Variants in PPIL2 observed in about 807,000 individuals in gnomAD.
PPIL2 encodes RING-type E3 ubiquitin-protein ligase PPIL2.
Under a neutral mutation model 75.2 loss-of-function variants are expected in PPIL2, and 50 were observed. That is an observed-to-expected ratio of 0.66 (90% CI 0.53 to 0.84). The LOEUF (loss-of-function observed/expected upper bound fraction) is 0.84. Among genes scored for constraint, PPIL2 ranks in the 40% least tolerant of loss-of-function variants. The pLI, the probability that PPIL2 is intolerant of heterozygous loss-of-function variation, is 0.00. For missense variants in PPIL2, 590 were observed against 685.0 expected (o/e 0.86, Z 1.55); for synonymous variants, 245 against 258.8 (o/e 0.95, Z 0.51).
At chr22:21,695,178 G>A (rs1416491401) in intron 19 of PPIL2, 108 bp downstream of exon 19, 7 of 1,434,806 alleles carry the variant, frequency 4.9e-6, no homozygotes, top group East Asian at 2.5e-5. Flanking sequence ...CACTGGTCCC[G>A]GCCGTGGGCT....
At chr22:21,674,857 G>T (rs989097111) in intron 5 of PPIL2, among the ~76,000 whole-genome samples, 4 of 152,228 alleles carry the variant, frequency 2.6e-5, no homozygotes, top group Non-Finnish European at 5.9e-5. Context: ...TTCTCAGAGC[G>T]TGGTGGGGGT....
intron 19 of PPIL2, 116 bp downstream of exon 19, chr22:21,695,186 G>A (rs1485754628): frequency 4.2e-6 from 6 of 1,426,438 alleles, no homozygotes; most frequent in Non-Finnish European, 5.5e-6. Flanking sequence ...CCGGCCGTGG[G>A]CTTGTGCTGT....
chr22:21,696,269 T>C lies in PPIL2; in HGVS notation c.*779T>C. 9.7e-7 allele frequency: 1 copy of C among 1,030,184 alleles called. No homozygotes were observed. Among genetic ancestry groups the C allele is most frequent in the Non-Finnish European group, 1.2e-6 (1 of 856,662 alleles). 63.8% of individuals were successfully genotyped at this position (1,030,184 alleles called of 1,614,324 possible). A position where few individuals can be genotyped will look rare whatever the true frequency, so the allele number is the denominator to read the frequency against. On this transcript the variant is annotated 3_prime_UTR_variant, in exon 20 of 20. Coordinates refer to ENST00000398831, the MANE Select transcript of PPIL2 (RefSeq NM_014337.4). The stretch of plus-strand genomic sequence containing the variant: ...TGCTCTGGCTGTGAACCACCTGGGC[T>C]TCATCTCAAGCCTGCCTGGCGTCTC...
intron 5 of PPIL2, among the ~76,000 whole-genome samples, chr22:21,674,026 G>A (rs2066735684): frequency 6.6e-6 from 1 of 152,230 alleles, no homozygotes; most frequent in African/African-American, 2.4e-5. Flanking sequence ...GCCAGCAGCA[G>A]GCAGGGCCCA....
chr22:21,685,509 T>G (rs2067318695), intron 10 of PPIL2: 3 of 364,750 alleles, frequency 8.2e-6, no homozygotes. Context: ...TCTGAAGTTC[T>G]CCTTCTTAAA....
At chr22:21,674,475 A>T (rs1192395621) in intron 5 of PPIL2, among the ~76,000 whole-genome samples, 3 of 152,124 alleles carry the variant, frequency 2.0e-5, no homozygotes, top group African/African-American at 7.2e-5. Context: ...CCCACTTTTA[A>T]TGTTTTGTTT....
At chr22:21,687,942 G>A (rs565859297) in intron 13 of PPIL2, 131 bp from the exon 14 acceptor site, 2 of 1,251,728 alleles carry the variant, frequency 1.6e-6, no homozygotes, top group East Asian at 2.3e-5. Flanking sequence ...GTGGCTGGGA[G>A]GGCCCCTCAT....
At chr22:21,689,203 A>T (rs2067513983) in intron 15 of PPIL2, among the ~76,000 whole-genome samples, 1 of 152,066 alleles carries the variant, frequency 6.6e-6, no homozygotes, top group Non-Finnish European at 1.5e-5. Flanking sequence ...CTGCACAGGG[A>T]GAGGCGCCTG....
chr22:21,688,371 G>A (rs1338284307), intron 14 of PPIL2, among the ~76,000 whole-genome samples: 1 of 152,196 alleles, frequency 6.6e-6, no homozygotes. Flanking sequence ...ACTGAGGCCA[G>A]CCCTCCCTCC....
intron 7 of PPIL2, among the ~76,000 whole-genome samples, chr22:21,681,918 A>G (rs2067145506): frequency 1.3e-5 from 2 of 152,220 alleles, no homozygotes; most frequent in South Asian, 4.1e-4. Flanking sequence ...GCCGTTGTCA[A>G]TCCTGCACCT....
At chr22:21,679,923 T>TA (rs535944893) in intron 6 of PPIL2, among the ~76,000 whole-genome samples, 5 of 151,026 alleles carry the variant, frequency 3.3e-5, no homozygotes, top group Non-Finnish European at 5.9e-5. Flanking sequence ...CCGTCTCTAC[T>TA]AAAAAAATAC....
intron 12 of PPIL2, 25 bp downstream of exon 12, chr22:21,687,023 C>G (rs781170340): frequency 5.6e-6 from 9 of 1,596,000 alleles, no homozygotes; most frequent in African/African-American, 1.3e-5. Context: ...CAGCCACTCC[C>G]CATGCCCCAA....
At chr22:21,682,391 C>A in intron 7 of PPIL2, 46 bp from the exon 8 acceptor site, 1 of 1,546,954 alleles carries the variant, frequency 6.5e-7, no homozygotes, top group Non-Finnish European at 8.9e-7. Context: ...TCCCCTGTGC[C>A]AAGGCTTGGG....
At position 21,696,382 on chromosome 22, in the gene PPIL2, G is replaced by C. The variant is rs1294088153; in HGVS notation, c.*892G>C. The C allele has an allele frequency of 1.7e-6, 2 of 1,146,940 alleles. No homozygotes were observed. The highest frequency in any genetic ancestry group is 3.2e-5 in the African/African-American group (2 of 61,652). 71.0% of individuals were successfully genotyped at this position (1,146,940 alleles called of 1,614,324 possible). Reference sequence around the variant, plus strand: ...AGAACAAGTGGATGTCCCTCTCCCCGCCCTCCTGCTGAAGTGGCCTTGCTG... The same window carrying C: ...AGAACAAGTGGATGTCCCTCTCCCCCCCCTCCTGCTGAAGTGGCCTTGCTG... On this transcript the variant is annotated 3_prime_UTR_variant, in exon 20 of 20. Transcript: ENST00000398831.
rs779501424 is a variant in PPIL2, at chr22:21,695,504, G to A, written c.*14G>A. 1.4e-5 allele frequency: 22 copies of A among 1,582,948 alleles called. No homozygotes were observed. The highest frequency in any genetic ancestry group is 1.5e-5 in the Non-Finnish European group (18 of 1,163,742). ...AGCTCCTGGTAGCAGCAGGTTGGCCGCTGTGGACCTTGGTGGGGTTGCAGG... is the reference window on the plus strand; with the variant it reads ...AGCTCCTGGTAGCAGCAGGTTGGCCACTGTGGACCTTGGTGGGGTTGCAGG... On this transcript the variant is annotated 3_prime_UTR_variant, in exon 20 of 20. Transcript: ENST00000398831.
intron 15 of PPIL2, among the ~76,000 whole-genome samples, chr22:21,690,382 G>GA (rs770132497): frequency 0.022 from 3,190 of 143,388 alleles, 44 homozygotes; most frequent in South Asian, 0.039. Context: ...ACCCTGTCTG[G>GA]AAAAAAAAAA....
chr22:21,675,100 T>A lies in PPIL2; in HGVS notation c.280T>A (p.Ser94Thr), dbSNP rs766204368. 6.2e-7 allele frequency: 1 copy of A among 1,613,480 alleles called. No homozygotes were observed. Among genetic ancestry groups the A allele is most frequent in the Non-Finnish European group, 8.5e-7 (1 of 1,179,446 alleles). ...DGRSLIKLNFSKNSEGKYHCP... is the reference protein window; with the variant it reads ...DGRSLIKLNFTKNSEGKYHCP... The stretch of plus-strand genomic sequence containing the variant: ...GAGGTCCCTGATCAAGCTGAACTTT[T>A]CCAAGAACAGTGAGGGTGAGTGGAA... Residue 94 changes from serine (S) to threonine (T), a missense_variant, in exon 6 of 20, where the codon TCC becomes ACC. Coordinates refer to ENST00000398831, the MANE Select transcript of PPIL2 (RefSeq NM_014337.4).
At chr22:21,675,893 A>G (rs2066820924) in intron 6 of PPIL2, among the ~76,000 whole-genome samples, 2 of 152,196 alleles carry the variant, frequency 1.3e-5, no homozygotes, top group South Asian at 2.1e-4. Flanking sequence ...CATGCCCATT[A>G]CACACCTTCC....
intron 12 of PPIL2, 120 bp downstream of exon 12, chr22:21,687,118 A>T (rs903476239): frequency 3.4e-5 from 32 of 947,470 alleles, no homozygotes; most frequent in Non-Finnish European, 5.1e-5. Flanking sequence ...TCAGCCTGTC[A>T]CTAGGCGGGA....
Sources: gnomAD v4.1 joint callset for allele counts (sites outside exome capture counted in the v4.1 genomes callset) on GRCh38, gnomAD v4.1.1 for gene constraint, MANE v1.5 for transcripts, NCBI Gene and HGNC (gene_info 2026-07-23, HGNC 2026-07-21) for gene names.